The following CSRNP3 variants were observed in gnomAD, a reference collection of about 807,000 sequenced individuals.
CSRNP3 encodes cysteine/serine-rich nuclear protein 3.
Under a neutral mutation model 48.0 loss-of-function variants are expected in CSRNP3, and 12 were observed. The observed-to-expected ratio is 0.25, with a 90% CI of 0.16 to 0.41. The LOEUF is 0.41. CSRNP3 is among the 10% of genes least tolerant of loss of function. The pLI, the probability that CSRNP3 is intolerant of heterozygous loss-of-function variation, is 1.00. For synonymous variants in CSRNP3, 263 were observed against 269.7 expected, an observed-to-expected ratio of 0.98 and a Z score of 0.24; for missense variants, 580 against 724.4, an observed-to-expected ratio of 0.80 and a Z score of 2.29.
chr2:165,505,286 T>C (rs1045377053), intron 2 of CSRNP3, among the ~76,000 whole-genome samples: 2 of 152,064 alleles, frequency 1.3e-5, no homozygotes, highest in Admixed American at 6.6e-5. Context: ...TTCCACTTAA[T>C]TGGAGAATAA....
intron 3 of CSRNP3, among the ~76,000 whole-genome samples, chr2:165,570,493 C>T (rs765665849): frequency 2.6e-5 from 4 of 151,618 alleles, no homozygotes; most frequent in Non-Finnish European, 4.4e-5. Context: ...CTCTTGTTCT[C>T]CCACTCTCAC....
chr2:165,496,120 T>C (rs1034182717), intron 2 of CSRNP3, among the ~76,000 whole-genome samples: 4 of 152,022 alleles, frequency 2.6e-5, no homozygotes, highest in African/African-American at 7.2e-5. Flanking sequence ...CCATCACTGT[T>C]AGAATAATTT....
chr2:165,517,264 G>A (rs775581612), intron 2 of CSRNP3, among the ~76,000 whole-genome samples: 5 of 151,606 alleles, frequency 3.3e-5, no homozygotes, highest in African/African-American at 9.7e-5. Flanking sequence ...TTCTAATTAC[G>A]GCACTGTAAT....
intron 3 of CSRNP3, among the ~76,000 whole-genome samples, chr2:165,569,023 C>T (rs1685334509): frequency 6.6e-6 from 1 of 152,020 alleles, no homozygotes; most frequent in African/African-American, 2.4e-5. Flanking sequence ...ATGCTCAGCA[C>T]ATTTTTTTAA....
chr2:165,629,727 G>A (rs1686500510), intron 4 of CSRNP3, among the ~76,000 whole-genome samples: 1 of 152,190 alleles, frequency 6.6e-6, no homozygotes, highest in Non-Finnish European at 1.5e-5. Context: ...AATCAAATTA[G>A]TAAATGTTAA....
intron 5 of CSRNP3, among the ~76,000 whole-genome samples, chr2:165,670,733 G>C (rs536127691): frequency 6.6e-6 from 1 of 152,248 alleles, no homozygotes; most frequent in South Asian, 2.1e-4. Context: ...TGTCATATCT[G>C]CTTCTACCAC....
chr2:165,666,068 AAGAG>A (rs143932638), intron 5 of CSRNP3, among the ~76,000 whole-genome samples: 43,844 of 98,856 alleles, frequency 0.44, 9,897 homozygotes, highest in South Asian at 0.56. Context: ...GGAAGAAAGA[AAGAG>A]AGAGAGAGAA....
At position 165,574,373 on chromosome 2, in the gene CSRNP3, A is replaced by G. The variant is rs557087066; in HGVS notation, c.-23-20670A>G. 86 of 1,550,228 alleles carry G rather than the reference A, an allele frequency of 5.5e-5. No homozygotes were observed. In the African/African-American group the frequency reaches 1.1e-3, roughly 20 times the overall value. Reference sequence around the variant, plus strand: ...GCAGCAGTTAAATGAAGTGTGCTTTATTTCTGAGAGTGAAGATTTTACAGC... The same window carrying G: ...GCAGCAGTTAAATGAAGTGTGCTTTGTTTCTGAGAGTGAAGATTTTACAGC... On this transcript the variant is annotated intron_variant, in intron 3 of 6. Coordinates refer to ENST00000651982, the MANE Select transcript of CSRNP3 (RefSeq NM_001172173.2).
intron 3 of CSRNP3, chr2:165,574,259 C>A: frequency 1.2e-6 from 1 of 823,264 alleles, no homozygotes; most frequent in Non-Finnish European, 2.0e-6. Flanking sequence ...GAGGAGGGGG[C>A]AGAAGGGAGT....
intron 3 of CSRNP3, among the ~76,000 whole-genome samples, chr2:165,578,940 C>A (rs1277006542): frequency 6.6e-6 from 1 of 152,088 alleles, no homozygotes; most frequent in Admixed American, 6.6e-5. Context: ...TAAGCCTCAT[C>A]TTCTTCATTG....
intron 3 of CSRNP3, among the ~76,000 whole-genome samples, chr2:165,582,133 A>T (rs1368810687): frequency 6.6e-6 from 1 of 152,208 alleles, no homozygotes; most frequent in African/African-American, 2.4e-5. Flanking sequence ...TGGTCAAAGA[A>T]TATTTTTCAG....
intron 4 of CSRNP3, among the ~76,000 whole-genome samples, chr2:165,655,833 C>T (rs376285291): frequency 2.6e-5 from 4 of 152,312 alleles, no homozygotes; most frequent in Middle Eastern, 3.4e-3. Context: ...CTTCCCTCTA[C>T]GCATGTCTGT....
intron 3 of CSRNP3, among the ~76,000 whole-genome samples, chr2:165,577,900 C>T (rs1037286951): frequency 1.3e-5 from 2 of 151,872 alleles, no homozygotes; most frequent in Admixed American, 1.3e-4. Context: ...CTGACAGATA[C>T]ATACATATAG....
intron 1 of CSRNP3, among the ~76,000 whole-genome samples, chr2:165,474,782 T>A (rs925058249): frequency 2.0e-5 from 3 of 152,196 alleles, no homozygotes; most frequent in African/African-American, 7.2e-5. Context: ...TGGTCTCTGA[T>A]GCATAACAAC....
At chr2:165,601,541 T>C (rs537855806) in intron 4 of CSRNP3, among the ~76,000 whole-genome samples, 35 of 152,342 alleles carry the variant, frequency 2.3e-4, no homozygotes, top group African/African-American at 8.2e-4. Flanking sequence ...AAAAGTGTTG[T>C]GTGATTAGGA....
intron 4 of CSRNP3, among the ~76,000 whole-genome samples, chr2:165,646,598 G>A (rs911165562): frequency 2.0e-5 from 3 of 152,078 alleles, no homozygotes; most frequent in Non-Finnish European, 4.4e-5. Context: ...TGCCTCATGC[G>A]GCTTTATTTT....
At chr2:165,521,861 C>A (rs879703622) in intron 3 of CSRNP3, among the ~76,000 whole-genome samples, 1 of 152,112 alleles carries the variant, frequency 6.6e-6, no homozygotes, top group Non-Finnish European at 1.5e-5. Context: ...ACCGATGTCC[C>A]CTCAGAGCAA....
intron 2 of CSRNP3, among the ~76,000 whole-genome samples, chr2:165,515,355 A>C (rs932867359): frequency 6.8e-6 from 1 of 147,742 alleles, no homozygotes; most frequent in Admixed American, 6.8e-5. Flanking sequence ...ATATATATAT[A>C]TCTGTAAATT....
At position 165,589,623 on chromosome 2, in the gene CSRNP3, G is replaced by A. The variant is rs17251144; in HGVS notation, c.-23-5420G>A. Among the ~76,000 whole-genome samples the A allele has an allele frequency of 1.0e-2, 1,520 of 152,194 alleles. 18 individuals are homozygous for A. Among genetic ancestry groups the A allele is most frequent in the Non-Finnish European group, 0.016 (1,080 of 68,006 alleles). On this transcript the variant is annotated intron_variant, in intron 3 of 6. Coordinates refer to ENST00000651982, the MANE Select transcript of CSRNP3 (RefSeq NM_001172173.2). ...TAGTTCAGTCTCTTTCAATTTTAAA[G>A]ACCTAGACAGAACTTACATGAACCT...
Sources: gnomAD v4.1 joint callset for allele counts (sites outside exome capture counted in the v4.1 genomes callset) on GRCh38, gnomAD v4.1.1 for gene constraint, MANE v1.5 for transcripts, NCBI Gene and HGNC (gene_info 2026-07-23, HGNC 2026-07-21) for gene names.